AKAP6: variants seen among roughly 807,000 people sequenced by gnomAD.
AKAP6 encodes the protein A-kinase anchoring protein 6, also known as A-kinase anchor protein 6.
In AKAP6, 58 loss-of-function variants were observed where a neutral mutation model predicts 188.5. The ratio of observed to expected loss-of-function variants is 0.31; its 90% CI spans 0.25 to 0.38. The LOEUF (loss-of-function observed/expected upper bound fraction) is 0.38. Among genes scored for constraint, AKAP6 ranks in the 10% least tolerant of loss-of-function variants. The probability of loss-of-function intolerance (pLI) is 1.00; values close to 1 mark genes in which losing one functional copy is unlikely to be tolerated. For missense variants in AKAP6, 2,710 were observed against 2,740.0 expected (o/e 0.99, Z 0.24); for synonymous variants, 989 against 998.6 (o/e 0.99, Z 0.18).
intron 11 of AKAP6, among the ~76,000 whole-genome samples, chr14:32,756,843 C>G (rs577308355): frequency 4.4e-4 from 67 of 152,210 alleles, no homozygotes; most frequent in Non-Finnish European, 8.2e-4. Context: ...TGGATAGCAG[C>G]CTCCTGCCTA....
At chr14:32,563,485 T>G (rs1798673041) in intron 4 of AKAP6, among the ~76,000 whole-genome samples, 1 of 152,210 alleles carries the variant, frequency 6.6e-6, no homozygotes, top group South Asian at 2.1e-4. Flanking sequence ...TCATTATTAG[T>G]ACTGTGGGGG....
chr14:32,692,219 T>C (rs1436283567), intron 8 of AKAP6, among the ~76,000 whole-genome samples: 1 of 152,164 alleles, frequency 6.6e-6, no homozygotes, highest in Non-Finnish European at 1.5e-5. Context: ...TGAGAAAAAG[T>C]CTTAAGTGAC....
At chr14:32,441,455 C>A (rs1378654074) in intron 2 of AKAP6, among the ~76,000 whole-genome samples, 1 of 151,970 alleles carries the variant, frequency 6.6e-6, no homozygotes, top group Non-Finnish European at 1.5e-5. Flanking sequence ...GAATAATTAT[C>A]TCTCTCTCTC....
intron 2 of AKAP6, among the ~76,000 whole-genome samples, chr14:32,446,804 A>G (rs1013444617): frequency 5.9e-5 from 9 of 152,190 alleles, no homozygotes; most frequent in Non-Finnish European, 1.3e-4. Context: ...ATTGACACTT[A>G]AAGCACAAGG....
chr14:32,378,158 T>C (rs952613995), intron 1 of AKAP6, among the ~76,000 whole-genome samples: 16 of 149,210 alleles, frequency 1.1e-4, no homozygotes, highest in Non-Finnish European at 1.9e-4. Context: ...TTGCATGGTA[T>C]GACAAAACCT....
At chr14:32,810,899 A>G (rs193207882) in intron 12 of AKAP6, among the ~76,000 whole-genome samples, 2 of 152,306 alleles carry the variant, frequency 1.3e-5, no homozygotes, top group Admixed American at 6.5e-5. Context: ...TCAAATGATA[A>G]GCATGAGGAA....
chr14:32,632,684 G>C (rs991219097), intron 7 of AKAP6, among the ~76,000 whole-genome samples: 1 of 152,012 alleles, frequency 6.6e-6, no homozygotes, highest in African/African-American at 2.4e-5. Context: ...TTTTGGAAAG[G>C]ACTTGAAAGC....
At chr14:32,646,519 T>C (rs1367056592) in intron 7 of AKAP6, among the ~76,000 whole-genome samples, 1 of 152,164 alleles carries the variant, frequency 6.6e-6, no homozygotes, top group Non-Finnish European at 1.5e-5. Flanking sequence ...TTTTAAAAAT[T>C]AGGCTGCCAT....
At position 32,823,659 on chromosome 14, in the gene AKAP6, G is replaced by A. The variant is rs1162925713; in HGVS notation, c.5846G>A (p.Gly1949Asp). ...MDSLDDSNTA[G>D]KEFVSQDVRH... ...AGTTTAGATGATTCAAATACTGCTG[G>A]CAAGGAATTTGTTTCCCAAGATGTT... The change falls in exon 13 of 14, where the codon GGC becomes GAC. Residue 1949 changes from glycine to aspartate, a missense_variant. Physicochemically the swap from Gly to Asp is moderately conservative, Grantham distance 94 (BLOSUM62 -1). Coordinates refer to ENST00000280979, the MANE Select transcript of AKAP6 (RefSeq NM_004274.5). The A allele has an allele frequency of 7.4e-6, 12 of 1,613,604 alleles. No homozygotes were observed. The highest frequency in any genetic ancestry group is 1.0e-5 in the Non-Finnish European group (12 of 1,179,892).
chr14:32,486,222 T>TGTAGTATAGTTTGAAGTCAG (rs146048738), intron 2 of AKAP6, among the ~76,000 whole-genome samples: 94,345 of 150,636 alleles, frequency 0.63, 30,447 homozygotes, highest in East Asian at 0.86. Flanking sequence ...ACCGTATGCT[T>TGTAGTATAGTTTGAAGTCAG]GTAGTATAGT....
chr14:32,411,449 T>A (rs1889479074), intron 1 of AKAP6, among the ~76,000 whole-genome samples: 1 of 152,158 alleles, frequency 6.6e-6, no homozygotes, highest in Admixed American at 6.5e-5. Context: ...TAGGGTAAGG[T>A]GTCCCTGCCT....
chr14:32,585,501 T>C (rs995337934), intron 5 of AKAP6, among the ~76,000 whole-genome samples: 23 of 152,266 alleles, frequency 1.5e-4, no homozygotes, highest in Admixed American at 7.2e-4. Context: ...TATGTGTGTG[T>C]GTGTGTGTGT....
chr14:32,733,403 A>G (rs1159511911), intron 10 of AKAP6: 2 of 152,142 alleles, frequency 1.3e-5, no homozygotes, highest in African/African-American at 2.4e-5. Flanking sequence ...ATATTTGTCA[A>G]TTACCTAAAT....
chr14:32,736,116 T>G (rs1174996032), intron 11 of AKAP6, among the ~76,000 whole-genome samples: 1 of 152,152 alleles, frequency 6.6e-6, no homozygotes, highest in African/African-American at 2.4e-5. Context: ...CATGTGTGTT[T>G]TTTGCAATGC....
chr14:32,409,357 C>T (rs1175665895), intron 1 of AKAP6, among the ~76,000 whole-genome samples: 2 of 152,160 alleles, frequency 1.3e-5, no homozygotes, highest in Admixed American at 1.3e-4. Context: ...ACACAGATGA[C>T]AAAGGAGCCC....
intron 1 of AKAP6, among the ~76,000 whole-genome samples, chr14:32,427,308 G>A (rs1486521639): frequency 6.6e-6 from 1 of 152,230 alleles, no homozygotes; most frequent in East Asian, 1.9e-4. Context: ...GGCAGGGAAA[G>A]AGAGCAAAGG....
rs181654643 is a variant in AKAP6, at chr14:32,737,523, A to G, written c.3372+1641A>G. 1.5e-4 allele frequency among the ~76,000 whole-genome samples: 23 copies of G among 152,290 alleles called. No individual in the cohort carries two copies. In the East Asian group the frequency reaches 3.7e-3, roughly 24 times the overall value. ...TTTACTTGCCATAAACCCAAAGAAC[A>G]GGTACACTCTGCCTTTCTAAGTGAT... On this transcript the variant is annotated intron_variant, in intron 11 of 13. Coordinates refer to ENST00000280979, the MANE Select transcript of AKAP6 (RefSeq NM_004274.5).
At chr14:32,564,813 G>C (rs1884115233) in intron 4 of AKAP6, among the ~76,000 whole-genome samples, 4 of 152,198 alleles carry the variant, frequency 2.6e-5, no homozygotes, top group African/African-American at 9.6e-5. Context: ...TTGCAAGCTT[G>C]TCACAAAGTG....
chr14:32,670,914 CA>C (rs1479876503), intron 7 of AKAP6, among the ~76,000 whole-genome samples: 3 of 152,076 alleles, frequency 2.0e-5, no homozygotes, highest in African/African-American at 7.2e-5. Flanking sequence ...TTTAGATGTT[CA>C]AACTCAGTAA....
Sources: allele counts gnomAD v4.1 joint callset (sites outside exome capture counted in the v4.1 genomes callset), GRCh38; gene constraint gnomAD v4.1.1; transcripts MANE v1.5; gene names NCBI Gene and HGNC (gene_info 2026-07-23, HGNC 2026-07-21).